The following PKHD1 variants were observed in gnomAD, a reference collection of about 807,000 sequenced individuals.
PKHD1 encodes the protein fibrocystin.
Under a neutral mutation model 412.0 loss-of-function variants are expected in PKHD1, and 291 were observed. That is an observed-to-expected ratio of 0.71 (90% CI 0.64 to 0.78). The LOEUF is 0.78. PKHD1 is among the 30% of genes least tolerant of loss of function. The pLI is 0.00. For synonymous variants in PKHD1, 1,777 were observed against 1,821.5 expected (o/e 0.98, Z 0.62); for missense variants, 4,825 against 4,950.7 (o/e 0.97, Z 0.76).
intron 60 of PKHD1, chr6:51,721,176 C>A: frequency 1.1e-6 from 1 of 938,396 alleles, no homozygotes; most frequent in Non-Finnish European, 1.3e-6. Context: ...TATCCTACTG[C>A]TTAAGGTCAT....
intron 60 of PKHD1, among the ~76,000 whole-genome samples, chr6:51,701,064 A>G (rs1454093287): frequency 1.3e-5 from 2 of 152,160 alleles, no homozygotes; most frequent in Non-Finnish European, 2.9e-5. Context: ...CTCTTTAACA[A>G]CTAAAATTAT....
chr6:51,852,612 A>G (rs1772490048), intron 49 of PKHD1, among the ~76,000 whole-genome samples: 2 of 152,150 alleles, frequency 1.3e-5, no homozygotes, highest in Admixed American at 1.3e-4. Flanking sequence ...ATATTTAGAT[A>G]GTTAGCGTTT....
In PKHD1 at chr6:52,058,555, G is replaced by A. The variant is rs763752883; in HGVS notation, c.1280C>T (p.Ser427Phe). Reference protein sequence around the residue: ...ISVGTADWFDSWEQNRDEGTW... With the variant: ...ISVGTADWFDFWEQNRDEGTW... ...CCCTTCATCCCTATTCTGCTCCCAG[G>A]AGTCAAACCAGTCAGCAGTGCCGAC... Residue 427 changes from serine (S) to phenylalanine (F), a missense_variant, in exon 16 of 67, where the codon TCC becomes TTC. Physicochemically the swap from Ser to Phe is radical, Grantham distance 155. Coordinates refer to ENST00000371117, the MANE Select transcript of PKHD1 (RefSeq NM_138694.4). 6.2e-7 allele frequency: 1 copy of A among 1,614,130 alleles called. No individual in the cohort carries two copies. The highest frequency in any genetic ancestry group is 2.2e-5 in the East Asian group (1 of 44,886).
In PKHD1 at chr6:51,868,235, G is replaced by GA. The variant is rs1221375545; in HGVS notation, c.7487-127dup. 7.1e-5 allele frequency: 63 copies of GA among 890,178 alleles called. 3 individuals are homozygous for GA. In the South Asian group the frequency reaches 8.8e-4, roughly 12 times the overall value. 55.1% of individuals were successfully genotyped at this position (890,178 alleles called of 1,614,324 possible). A position where few individuals can be genotyped will look rare whatever the true frequency, so the allele number is the denominator to read the frequency against. On this transcript the variant is annotated intron_variant, in intron 47 of 66. Coordinates refer to ENST00000371117, the MANE Select transcript of PKHD1 (RefSeq NM_138694.4). ...TTTTACAATTCACCTATTCATGCAAGAAAAAAAGTGTTTTCTGTGGGTGTT... is the reference window on the plus strand; with the variant it reads ...TTTTACAATTCACCTATTCATGCAAGAAAAAAAAGTGTTTTCTGTGGGTGTT...
intron 46 of PKHD1, among the ~76,000 whole-genome samples, chr6:51,874,657 A>G (rs955655919): frequency 4.6e-5 from 7 of 152,310 alleles, no homozygotes; most frequent in South Asian, 4.1e-4. Context: ...GGCCAGGCGC[A>G]GTGGCTCACG....
At chr6:51,992,981 A>G (rs760119272) in intron 35 of PKHD1, among the ~76,000 whole-genome samples, 10 of 152,300 alleles carry the variant, frequency 6.6e-5, no homozygotes, top group Non-Finnish European at 1.0e-4. Flanking sequence ...GAGGATTGCA[A>G]TTTCATCCAG....
chr6:52,062,655 G>C lies in PKHD1; in HGVS notation c.982C>G (p.Arg328Gly). The C allele has an allele frequency of 6.2e-7, 1 of 1,614,070 alleles. No individual in the cohort carries two copies. The highest frequency in any genetic ancestry group is 8.5e-7 in the Non-Finnish European group (1 of 1,179,946). ...TCTCCAACTTCAAAAAGAAGCCCTC[G>C]ATTGCCTGTAAGACATGTAGATCGC... ...VRLTTPQPGN[R>G]GLLFEVGDAV... Residue 328 changes from arginine to glycine, a missense_variant, in exon 14 of 67, where the codon CGA becomes GGA. Coordinates refer to ENST00000371117, the MANE Select transcript of PKHD1 (RefSeq NM_138694.4).
At position 51,836,413 on chromosome 6, in the gene PKHD1, T is replaced by G. The variant is rs1268020662; in HGVS notation, c.8164A>C (p.Thr2722Pro). ...GTGTGTTAATACTCACCTGAAATAG[T>G]TGGGGGCATACCTTCCTTCACCCGG... Reference protein sequence around the residue: ...ILRVKEGMPPTISASTSAPES... With the variant: ...ILRVKEGMPPPISASTSAPES... The change falls in exon 51 of 67, where the codon ACT (threonine) becomes CCT (proline). Residue 2722 changes from threonine to proline, a missense_variant. Thr to Pro is a conservative substitution (Grantham distance 38). Transcript: ENST00000371117. The G allele has an allele frequency of 6.2e-7, 1 of 1,610,156 alleles. No homozygotes were observed. The highest frequency in any genetic ancestry group is 1.7e-5 in the Admixed American group (1 of 59,988).
chr6:51,639,148 A>G (rs1768998310), intron 63 of PKHD1, among the ~76,000 whole-genome samples, 192 bp from the exon 64 acceptor site: 2 of 152,212 alleles, frequency 1.3e-5, no homozygotes, highest in African/African-American at 4.8e-5. Flanking sequence ...AACAGTTAAC[A>G]TATATTGAAA....
intron 37 of PKHD1, among the ~76,000 whole-genome samples, chr6:51,931,042 G>A (rs1786491322): frequency 2.0e-5 from 3 of 152,160 alleles, no homozygotes; most frequent in South Asian, 4.1e-4. Context: ...TATGAAGTGG[G>A]AACTGTGTTT....
chr6:51,748,669 T>C lies in PKHD1; in HGVS notation c.8951-4A>G, dbSNP rs2150987649. 6.2e-7 allele frequency: 1 copy of C among 1,613,244 alleles called. No individual in the cohort carries two copies. Among genetic ancestry groups the C allele is most frequent in the Non-Finnish European group, 8.5e-7 (1 of 1,179,410 alleles). On this transcript the variant is annotated splice_polypyrimidine_tract_variant and splice_region_variant and intron_variant, in intron 57 of 66. Coordinates refer to ENST00000371117, the MANE Select transcript of PKHD1 (RefSeq NM_138694.4). Reference sequence around the variant, plus strand: ...ACATTAAGAAGTTGAAGGACACCTATAAACAAATGCATGTCATCAGGTACT... The same window carrying C: ...ACATTAAGAAGTTGAAGGACACCTACAAACAAATGCATGTCATCAGGTACT...
At chr6:51,954,006 T>C (rs1790753547) in intron 36 of PKHD1, among the ~76,000 whole-genome samples, 1 of 152,120 alleles carries the variant, frequency 6.6e-6, no homozygotes, top group East Asian at 1.9e-4. Context: ...AAGGTCTTTA[T>C]TACCCAGCTA....
At chr6:51,662,782 C>T (rs1773075073) in intron 60 of PKHD1, among the ~76,000 whole-genome samples, 1 of 151,888 alleles carries the variant, frequency 6.6e-6, no homozygotes, top group Admixed American at 6.6e-5. Flanking sequence ...GAAACTATTA[C>T]AAACAAACAT....
chr6:51,813,236 A>G (rs1365881320), intron 52 of PKHD1, among the ~76,000 whole-genome samples: 2 of 152,162 alleles, frequency 1.3e-5, no homozygotes, highest in African/African-American at 2.4e-5. Context: ...ACTGCTCTCA[A>G]TTTTGATTTC....
chr6:52,057,099 T>C, intron 16 of PKHD1, 120 bp from the exon 17 acceptor site: 2 of 737,010 alleles, frequency 2.7e-6, no homozygotes, highest in Non-Finnish European at 4.9e-6. Context: ...ATTTTAACTT[T>C]TCAATGCTTT....
chr6:51,623,770 A>G (rs946568841), intron 66 of PKHD1, among the ~76,000 whole-genome samples: 9 of 152,040 alleles, frequency 5.9e-5, no homozygotes, highest in African/African-American at 2.2e-4. Flanking sequence ...TATTTTTAGT[A>G]GAGACGGGGT....
At position 51,843,164 on chromosome 6, in the gene PKHD1, G is replaced by T. The variant is rs539939195; in HGVS notation, c.8107+4611C>A. Among the ~76,000 whole-genome samples the T allele has an allele frequency of 4.5e-4, 68 of 152,352 alleles. 2 individuals carry two copies. The South Asian group carries it at 0.014, about 31-fold the overall frequency. ...CCATACAGCCAAGCCCATAAGAAAG[G>T]CTTTCCTTGTGCCTGGGCCTAAATT... On this transcript the variant is annotated intron_variant, in intron 50 of 66. Coordinates refer to ENST00000371117, the MANE Select transcript of PKHD1 (RefSeq NM_138694.4).
At chr6:51,868,184 AG>A in intron 47 of PKHD1, 75 bp from the exon 48 acceptor site, 1 of 1,279,564 alleles carries the variant, frequency 7.8e-7, no homozygotes, top group Admixed American at 1.7e-5. Context: ...TGATGGTCTT[AG>A]GATTTAAATT....
intron 60 of PKHD1, among the ~76,000 whole-genome samples, chr6:51,660,913 T>C (rs1191766814): frequency 6.6e-6 from 1 of 152,116 alleles, no homozygotes; most frequent in Non-Finnish European, 1.5e-5. Flanking sequence ...ACTCTCTCCC[T>C]TCCCCTGAAA....
Sources: gnomAD v4.1 joint callset for allele counts (sites outside exome capture counted in the v4.1 genomes callset) on GRCh38, gnomAD v4.1.1 for gene constraint, MANE v1.5 for transcripts, NCBI Gene and HGNC (gene_info 2026-07-23, HGNC 2026-07-21) for gene names.